Variants in CNTNAP2 observed in about 807,000 individuals in gnomAD.
The protein encoded by CNTNAP2 is contactin-associated protein-like 2.
Under a neutral mutation model 155.2 loss-of-function variants are expected in CNTNAP2, and 98 were observed. The ratio of observed to expected loss-of-function variants is 0.63; its 90% CI spans 0.54 to 0.75. The LOEUF (loss-of-function observed/expected upper bound fraction) is 0.75. CNTNAP2 is among the 30% of genes least tolerant of loss of function. The pLI is 0.00. For synonymous variants in CNTNAP2, 651 were observed against 631.2 expected, an observed-to-expected ratio of 1.03 and a Z score of -0.47; for missense variants, 1,727 against 1,688.1, an observed-to-expected ratio of 1.02 and a Z score of -0.40.
intron 1 of CNTNAP2, among the ~76,000 whole-genome samples, chr7:146,383,389 G>A (rs181214030): frequency 2.5e-4 from 38 of 152,196 alleles, no homozygotes; most frequent in African/African-American, 8.9e-4. Context: ...TACTGGAAAG[G>A]TCCTCAAAAT....
intron 21 of CNTNAP2, among the ~76,000 whole-genome samples, chr7:148,374,556 T>G (rs1798947816): frequency 6.6e-6 from 1 of 152,232 alleles, no homozygotes. Context: ...AAGCTCATTT[T>G]TTTGTATGGT....
At chr7:147,021,917 T>G (rs1482217599) in intron 3 of CNTNAP2, among the ~76,000 whole-genome samples, 5 of 152,202 alleles carry the variant, frequency 3.3e-5, no homozygotes, top group African/African-American at 4.8e-5. Flanking sequence ...ACTCATGTAC[T>G]TGACATTTAT....
At chr7:147,065,741 T>C (rs954148970) in intron 4 of CNTNAP2, among the ~76,000 whole-genome samples, 6 of 152,234 alleles carry the variant, frequency 3.9e-5, no homozygotes, top group Non-Finnish European at 8.8e-5. Flanking sequence ...ACTGAATTCC[T>C]ACTCTTCTCA....
chr7:146,813,414 A>G (rs994560544), intron 2 of CNTNAP2, among the ~76,000 whole-genome samples: 2 of 152,166 alleles, frequency 1.3e-5, no homozygotes, highest in Admixed American at 6.5e-5. Context: ...ATAACTTTGG[A>G]ATTTTAAGGT....
intron 11 of CNTNAP2, among the ~76,000 whole-genome samples, chr7:147,536,216 A>G (rs779431471): frequency 6.6e-6 from 1 of 152,038 alleles, no homozygotes; most frequent in Non-Finnish European, 1.5e-5. Flanking sequence ...CTCTCCAATT[A>G]CTCTTCATCT....
Position 148,267,036 on chromosome 7 carries a change from G to A in CNTNAP2, c.3385G>A (p.Asp1129Asn), listed in dbSNP as rs781236853. The change falls in exon 21 of 24, where the codon GAT becomes AAT. Residue 1129 changes from aspartate to asparagine, a missense_variant. Transcript: ENST00000361727. ...RHEKTIFLKL[D>N]HYPSVSYHLP... ...GTCTCTTGTTTTCCTCCTGCAGCTC[G>A]ATCATTATCCTTCTGTGAGTTACCA... 5 of 1,614,060 alleles carry A rather than the reference G, an allele frequency of 3.1e-6. No homozygotes were observed. The highest frequency in any genetic ancestry group is 4.2e-6 in the Non-Finnish European group (5 of 1,179,942).
intron 11 of CNTNAP2, among the ~76,000 whole-genome samples, chr7:147,541,691 A>G (rs1462786396): frequency 6.6e-6 from 1 of 152,174 alleles, no homozygotes; most frequent in African/African-American, 2.4e-5. Context: ...GTTACACTCA[A>G]TATATTTCTA....
intron 1 of CNTNAP2, among the ~76,000 whole-genome samples, chr7:146,440,993 G>A (rs970136): frequency 1 from 150,675 of 151,420 alleles, 74,968 homozygotes; most frequent in Middle Eastern, 1. Flanking sequence ...CATAAATCAA[G>A]ATGTTACATT....
intron 1 of CNTNAP2, among the ~76,000 whole-genome samples, chr7:146,290,348 T>G (rs2129086494): frequency 6.6e-6 from 1 of 152,210 alleles, no homozygotes; most frequent in South Asian, 2.1e-4. Flanking sequence ...ACCCTATCAG[T>G]TATGGAGAGC....
At chr7:147,773,608 G>A (rs1055459196) in intron 13 of CNTNAP2, among the ~76,000 whole-genome samples, 2 of 152,082 alleles carry the variant, frequency 1.3e-5, no homozygotes, top group Non-Finnish European at 2.9e-5. Context: ...TAAAGAAACT[G>A]GACTACCTTC....
intron 1 of CNTNAP2, among the ~76,000 whole-genome samples, chr7:146,238,824 G>A (rs1280074002): frequency 6.6e-6 from 1 of 152,140 alleles, no homozygotes; most frequent in Non-Finnish European, 1.5e-5. Context: ...TTCTTCACAA[G>A]GCGGCAGGAA....
intron 8 of CNTNAP2, among the ~76,000 whole-genome samples, chr7:147,208,230 T>G (rs898507381): frequency 1.3e-5 from 2 of 152,094 alleles, no homozygotes; most frequent in African/African-American, 4.8e-5. Context: ...GGTCTCTCTC[T>G]CCTTACTAAT....
intron 16 of CNTNAP2, among the ~76,000 whole-genome samples, chr7:148,127,738 G>A (rs1014211220): frequency 1.3e-5 from 2 of 152,224 alleles, no homozygotes; most frequent in African/African-American, 2.4e-5. Flanking sequence ...TTTCACTCTT[G>A]TAGATGTGAA....
At position 146,201,045 on chromosome 7, in the gene CNTNAP2, C is replaced by T. The variant is rs1160640659; in HGVS notation, c.97+84072C>T. Among the ~76,000 whole-genome samples the T allele has an allele frequency of 3.9e-5, 6 of 152,200 alleles. No individual in the cohort carries two copies. In the East Asian group the frequency reaches 9.7e-4, roughly 25 times the overall value. On this transcript the variant is annotated intron_variant, in intron 1 of 23. Transcript: ENST00000361727. The stretch of plus-strand genomic sequence containing the variant: ...AAGGGATGTCTTGGGTTGTTTCTCA[C>T]GAGTGGTCATCAGATTTGTATTTCT...
chr7:147,581,964 G>A (rs1401345411), intron 12 of CNTNAP2, among the ~76,000 whole-genome samples: 1 of 152,032 alleles, frequency 6.6e-6, no homozygotes, highest in Non-Finnish European at 1.5e-5. Flanking sequence ...TTTTCTCCTT[G>A]TGCTGTAAGA....
chr7:148,140,154 C>T (rs1354057579), intron 16 of CNTNAP2, among the ~76,000 whole-genome samples: 1 of 152,128 alleles, frequency 6.6e-6, no homozygotes, highest in Non-Finnish European at 1.5e-5. Context: ...TTACAGTCAA[C>T]CTCTCTATAT....
At chr7:147,359,757 A>AT (rs1796116542) in intron 9 of CNTNAP2, among the ~76,000 whole-genome samples, 5 of 151,870 alleles carry the variant, frequency 3.3e-5, no homozygotes, top group Admixed American at 2.0e-4. Context: ...ATATTGCCCA[A>AT]ATGTCACCTT....
chr7:146,740,022 A>T (rs1397709913), intron 1 of CNTNAP2, among the ~76,000 whole-genome samples: 1 of 152,020 alleles, frequency 6.6e-6, no homozygotes, highest in African/African-American at 2.4e-5. Flanking sequence ...ATTTCAGTCT[A>T]TGTGTATTTT....
At chr7:147,153,079 A>T (rs955916685) in intron 8 of CNTNAP2, among the ~76,000 whole-genome samples, 4 of 151,952 alleles carry the variant, frequency 2.6e-5, no homozygotes, top group African/African-American at 9.7e-5. Flanking sequence ...TAGGTATGCT[A>T]CCGTCTCCTC....
Sources: gnomAD v4.1 joint callset for allele counts (sites outside exome capture counted in the v4.1 genomes callset) on GRCh38, gnomAD v4.1.1 for gene constraint, MANE v1.5 for transcripts, NCBI Gene and HGNC (gene_info 2026-07-23, HGNC 2026-07-21) for gene names.